Variants in DOCK5 observed in about 807,000 individuals in gnomAD.
The protein encoded by DOCK5 is dedicator of cytokinesis 5.
A neutral mutation model predicts 251.8 loss-of-function variants in DOCK5; 142 were observed. The ratio of observed to expected loss-of-function variants is 0.56; its 90% CI spans 0.49 to 0.65. The LOEUF is 0.65. DOCK5 is among the 30% of genes least tolerant of loss of function. The pLI, the probability that DOCK5 is intolerant of heterozygous loss-of-function variation, is 0.00. For missense variants in DOCK5, 2,111 were observed against 2,312.3 expected (o/e 0.91, Z 1.79); for synonymous variants, 842 against 835.5 (o/e 1.01, Z -0.13).
chr8:25,203,081 T>C (rs1323303330), intron 1 of DOCK5, among the ~76,000 whole-genome samples: 1 of 152,174 alleles, frequency 6.6e-6, no homozygotes, highest in Non-Finnish European at 1.5e-5. Context: ...TCCAGTGTCA[T>C]GAATTCATGG....
At chr8:25,396,006 G>C (rs870686) in intron 45 of DOCK5, 2 of 468,598 alleles carry the variant, frequency 4.3e-6, no homozygotes, top group African/African-American at 2.0e-5. Context: ...TATACAAACT[G>C]ATTGGTGGAC....
At chr8:25,243,866 G>A in intron 2 of DOCK5, 109 bp downstream of exon 2, 2 of 1,065,456 alleles carry the variant, frequency 1.9e-6, no homozygotes, top group Middle Eastern at 2.1e-4. Context: ...TCCTGAAACA[G>A]TGCTAGTAAA....
intron 5 of DOCK5, among the ~76,000 whole-genome samples, chr8:25,288,536 A>T (rs566206710): frequency 6.6e-6 from 1 of 152,202 alleles, no homozygotes; most frequent in African/African-American, 2.4e-5. Context: ...ACTTGTGCAC[A>T]TGTACCCCAA....
At position 25,374,645 on chromosome 8, in the gene DOCK5, G is replaced by A. The variant is rs559279428; in HGVS notation, c.3807G>A (p.Glu1269=). 10 of 1,613,922 alleles carry A rather than the reference G, an allele frequency of 6.2e-6. No individual in the cohort carries two copies. In the South Asian group the frequency reaches 8.8e-5, roughly 14 times the overall value. ...EAAYTLLLHA[E]LLQWSDKPCV... ...CCTACACGCTTCTCTTGCACGCTGA[G>A]CTTCTGCAGGTGAATGGCTCAGAGA... The change falls in exon 37 of 52, where the codon GAG becomes GAA. Residue 1269 remains glutamate, a synonymous_variant. Transcript: ENST00000276440.
At chr8:25,396,362 C>T (rs981660779) in intron 45 of DOCK5, among the ~76,000 whole-genome samples, 3 of 152,154 alleles carry the variant, frequency 2.0e-5, no homozygotes, top group Admixed American at 6.5e-5. Flanking sequence ...GCTTGGGTGG[C>T]GGAATTAGCT....
chr8:25,252,624 T>G (rs1179631635), intron 2 of DOCK5, among the ~76,000 whole-genome samples: 1 of 152,224 alleles, frequency 6.6e-6, no homozygotes, highest in Non-Finnish European at 1.5e-5. Context: ...AAGTACAGCT[T>G]GTGAGCTACT....
chr8:25,228,834 A>G (rs1225441582), intron 1 of DOCK5, among the ~76,000 whole-genome samples: 1 of 152,034 alleles, frequency 6.6e-6, no homozygotes, highest in Non-Finnish European at 1.5e-5. Flanking sequence ...AATTTAGTCT[A>G]TGTTTTATTT....
At chr8:25,217,881 C>T (rs1455247758) in intron 1 of DOCK5, among the ~76,000 whole-genome samples, 1 of 152,232 alleles carries the variant, frequency 6.6e-6, no homozygotes, top group Non-Finnish European at 1.5e-5. Flanking sequence ...CAATCCCAGT[C>T]TTGCAGGCCA....
At chr8:25,370,281 C>T (rs1447849261) in intron 34 of DOCK5, among the ~76,000 whole-genome samples, 3 of 152,242 alleles carry the variant, frequency 2.0e-5, no homozygotes, top group Non-Finnish European at 4.4e-5. Context: ...AGAGATTGAA[C>T]TTCAAACCCT....
chr8:25,373,736 T>A (rs955532932), intron 36 of DOCK5, 78 bp downstream of exon 36: 4 of 1,383,962 alleles, frequency 2.9e-6, no homozygotes, highest in African/African-American at 2.9e-5. Flanking sequence ...ACAAATACTT[T>A]CCCAACACCG....
intron 45 of DOCK5, among the ~76,000 whole-genome samples, 182 bp from the exon 46 acceptor site, chr8:25,399,729 C>G (rs755300919): frequency 6.6e-6 from 1 of 152,110 alleles, no homozygotes; most frequent in African/African-American, 2.4e-5. Context: ...AAGGAAAGAC[C>G]ACACAATAGC....
At chr8:25,284,670 C>T (rs57341599) in intron 5 of DOCK5, among the ~76,000 whole-genome samples, 1,548 of 152,360 alleles carry the variant, frequency 0.01, 27 homozygotes, top group African/African-American at 0.034. Context: ...GGCAGATCCC[C>T]GTGCTAGATG....
rs539775079 is a variant in DOCK5, at chr8:25,364,587, A to C, written c.3045-39A>C. 9 of 1,471,248 alleles carry C rather than the reference A, an allele frequency of 6.1e-6. No homozygotes were observed. In the East Asian group the frequency reaches 2.1e-4, roughly 35 times the overall value. The allele number at this position is 1,471,248 out of a possible 1,614,324, so 91.1% of individuals were successfully genotyped here. A position where few individuals can be genotyped will look rare whatever the true frequency, so the allele number is the denominator to read the frequency against. ...TAGGTGGGAAAAGGTTTCAAAGGAC[A>C]TACAGTTGGCTTCTTTATCTGGTGT... On this transcript the variant is annotated intron_variant, in intron 29 of 51. Transcript: ENST00000276440.
chr8:25,351,018 A>G (rs1204535425), intron 26 of DOCK5, among the ~76,000 whole-genome samples: 1 of 151,758 alleles, frequency 6.6e-6, no homozygotes, highest in Non-Finnish European at 1.5e-5. Context: ...AATTTCCCAC[A>G]CATGTGCCTA....
intron 4 of DOCK5, among the ~76,000 whole-genome samples, chr8:25,275,835 CA>C (rs11374112): frequency 6.6e-6 from 1 of 150,518 alleles, no homozygotes; most frequent in Non-Finnish European, 1.5e-5. Flanking sequence ...GACTCTCTCT[CA>C]AAAAAAAATA....
intron 5 of DOCK5, among the ~76,000 whole-genome samples, chr8:25,285,329 A>G (rs527637070): frequency 9.9e-4 from 150 of 152,138 alleles, no homozygotes; most frequent in Non-Finnish European, 1.6e-3. Flanking sequence ...TATTTTCAGT[A>G]GAGAAGGGGT....
At chr8:25,404,826 T>A (rs1386956855) in intron 48 of DOCK5, among the ~76,000 whole-genome samples, 3 of 152,134 alleles carry the variant, frequency 2.0e-5, no homozygotes, top group Non-Finnish European at 4.4e-5. Context: ...TATACCAGTT[T>A]ACACTCCCAC....
chr8:25,300,772 G>C (rs1031280646), intron 9 of DOCK5, 115 bp downstream of exon 9: 25 of 1,141,674 alleles, frequency 2.2e-5, no homozygotes, highest in Non-Finnish European at 2.7e-5. Context: ...TCATCAATCT[G>C]CCTAGCAGGA....
chr8:25,293,718 A>C (rs185631592), intron 6 of DOCK5, among the ~76,000 whole-genome samples: 4 of 152,176 alleles, frequency 2.6e-5, no homozygotes, highest in African/African-American at 9.6e-5. Context: ...TAAAAGGCCA[A>C]TTAGGCCAGG....
Sources: allele counts gnomAD v4.1 joint callset (sites outside exome capture counted in the v4.1 genomes callset), GRCh38; gene constraint gnomAD v4.1.1; transcripts MANE v1.5; gene names NCBI Gene and HGNC (gene_info 2026-07-23, HGNC 2026-07-21).